OCIAD1: variants seen among roughly 807,000 people sequenced by gnomAD.
The protein encoded by OCIAD1 is OCIA domain-containing protein 1.
In OCIAD1, 29 loss-of-function variants were observed where a neutral mutation model predicts 38.9. The observed-to-expected ratio is 0.74, with a 90% CI of 0.55 to 1.02. The LOEUF is 1.02. Among genes scored for constraint, OCIAD1 ranks in the 50% least tolerant of loss-of-function variants. The pLI is 0.00. For synonymous variants in OCIAD1, 110 were observed against 92.0 expected (o/e 1.20, Z -1.12); for missense variants, 288 against 289.6 (o/e 0.99, Z 0.04).
At chr4:48,835,322 ATAAAT>A (rs971719771) in intron 3 of OCIAD1, among the ~76,000 whole-genome samples, 2 of 152,216 alleles carry the variant, frequency 1.3e-5, no homozygotes, top group Non-Finnish European at 2.9e-5. Context: ...TTTTAAAGAG[ATAAAT>A]TAATTAGAAT....
At chr4:48,852,882 G>GTTTTTTGTTTTTGTTTTTTTTTTTT (rs1553901200) in intron 7 of OCIAD1, among the ~76,000 whole-genome samples, 3 of 126,338 alleles carry the variant, frequency 2.4e-5, no homozygotes, top group African/African-American at 3.2e-5. Flanking sequence ...TTTGTTTTTT[G>GTTTTTTGTTTTTGTTTTTTTTTTTT]TTTTTTTTTT....
intron 1 of OCIAD1, 81 bp downstream of exon 1, chr4:48,831,330 C>T (rs1223455463): frequency 4.8e-6 from 2 of 415,542 alleles, no homozygotes; most frequent in Admixed American, 5.8e-5. Flanking sequence ...ACGACTTTCG[C>T]ACCTTCCGCC....
intron 3 of OCIAD1, among the ~76,000 whole-genome samples, chr4:48,839,351 G>T (rs1039479833): frequency 8.6e-5 from 13 of 151,100 alleles, no homozygotes; most frequent in African/African-American, 2.4e-4. Context: ...CAGGAGAATG[G>T]CTTGAACTCG....
intron 1 of OCIAD1, among the ~76,000 whole-genome samples, chr4:48,806,563 G>A (rs1381502687): frequency 2.0e-5 from 3 of 152,044 alleles, no homozygotes; most frequent in African/African-American, 7.2e-5. Flanking sequence ...TCACACTGTG[G>A]TTGATAGCAC....
intron 8 of OCIAD1, among the ~76,000 whole-genome samples, chr4:48,859,142 T>C (rs1355000874): frequency 6.6e-6 from 1 of 152,216 alleles, no homozygotes; most frequent in Non-Finnish European, 1.5e-5. Context: ...TAATTTTATT[T>C]TTAATCATTA....
chr4:48,834,387 G>A (rs1195606768), intron 3 of OCIAD1, among the ~76,000 whole-genome samples: 1 of 152,178 alleles, frequency 6.6e-6, no homozygotes, highest in Non-Finnish European at 1.5e-5. Flanking sequence ...GGCCAGGCTG[G>A]TCTTGAACTC....
intron 8 of OCIAD1, among the ~76,000 whole-genome samples, chr4:48,860,413 A>G (rs1056728599): frequency 1.3e-5 from 2 of 152,014 alleles, no homozygotes; most frequent in African/African-American, 4.8e-5. Context: ...CCTATACTCA[A>G]ATCTCAGTTC....
At position 48,850,031 on chromosome 4, in the gene OCIAD1, C is replaced by A. The variant is rs1779291447; in HGVS notation, c.326C>A (p.Pro109His). 6.2e-7 allele frequency: 1 copy of A among 1,613,338 alleles called. No individual in the cohort carries two copies. Among genetic ancestry groups the A allele is most frequent in the Non-Finnish European group, 8.5e-7 (1 of 1,179,780 alleles). ...AAATTCAAGAAACTTGAAAATTCCC[C>A]CCTTGGAGAAGCTTTACGATCAGGA... The part of the protein sequence containing the change: ...QEKFKKLENS[P>H]LGEALRSGQA... Residue 109 changes from proline (P) to histidine (H), a missense_variant, in exon 6 of 9, where the codon CCC (proline) becomes CAC (histidine). By Grantham distance (77) the Pro-to-His change is moderately conservative. Coordinates refer to ENST00000264312, the MANE Select transcript of OCIAD1 (RefSeq NM_017830.4).
At chr4:48,837,642 CTTTTTTTTTTT>C in intron 3 of OCIAD1, among the ~76,000 whole-genome samples, 1 of 97,668 alleles carries the variant, frequency 1.0e-5, no homozygotes, top group Admixed American at 1.0e-4. Context: ...AGCAACAGTT[CTTTTTTTTTTT>C]TTTTTTTTTA....
rs575302598 is a variant in OCIAD1, at chr4:48,840,121, C to T, written c.140-2515C>T. On this transcript the variant is annotated intron_variant, in intron 3 of 8. Transcript: ENST00000264312. ...AGACCTTAGGTCTAATCCATTATTC[C>T]TTTATAGCATGAGAAGAAGCTATGC... Among the ~76,000 whole-genome samples the T allele has an allele frequency of 2.6e-5, 4 of 152,286 alleles. No homozygotes were observed. The East Asian group carries it at 7.7e-4, about 29-fold the overall frequency.
In OCIAD1 at chr4:48,860,726, CAAAGT is replaced by C; in HGVS notation, c.706_710del (p.Val236GlnfsTer8). On this transcript the variant is annotated frameshift_variant and splice_region_variant, in exon 9 of 9. Coordinates refer to ENST00000264312, the MANE Select transcript of OCIAD1 (RefSeq NM_017830.4). LOFTEE classifies it high-confidence loss of function. ...CAATTATTTATGCTTTTTTCCTAGT[CAAAGT>C]AAACAAGTATGGAGATACTTGGGAT... is the stretch of plus-strand genomic sequence containing the variant. 2.5e-6 allele frequency: 4 copies of C among 1,593,392 alleles called. No individual in the cohort carries two copies. Among genetic ancestry groups the C allele is most frequent in the Admixed American group, 1.7e-5 (1 of 59,398 alleles).
At chr4:48,846,985 G>A (rs1182910991) in intron 4 of OCIAD1, among the ~76,000 whole-genome samples, 1 of 151,426 alleles carries the variant, frequency 6.6e-6, no homozygotes, top group Non-Finnish European at 1.5e-5. Flanking sequence ...CAAGAATATG[G>A]TGCCTTTTTG....
intron 1 of OCIAD1, among the ~76,000 whole-genome samples, chr4:48,811,094 C>T (rs1398652254): frequency 6.6e-6 from 1 of 151,322 alleles, no homozygotes; most frequent in African/African-American, 2.5e-5. Context: ...TGAGCTCAGG[C>T]CATCCATCCA....
chr4:48,844,490 C>T (rs1175309528), intron 4 of OCIAD1, among the ~76,000 whole-genome samples: 1 of 151,994 alleles, frequency 6.6e-6, no homozygotes, highest in African/African-American at 2.4e-5. Context: ...GTCGTGCGTG[C>T]CTGTAGTCCC....
rs769648739 is a variant in OCIAD1, at chr4:48,848,412, T to G, written c.207T>G (p.Ser69Arg). 2 of 1,499,430 alleles carry G rather than the reference T, an allele frequency of 1.3e-6. No homozygotes were observed. The highest frequency in any genetic ancestry group is 1.1e-5 in the South Asian group (1 of 87,266). 92.9% of individuals were successfully genotyped at this position (1,499,430 alleles called of 1,614,324 possible). A position where few individuals can be genotyped will look rare whatever the true frequency, so the allele number is the denominator to read the frequency against. Reference protein sequence around the residue: ...QGLISKGILSSHPKYGSIPKL... With the variant: ...QGLISKGILSRHPKYGSIPKL... ...TCTTTTCTTTAGGAATACTTTCAAG[T>G]CATCCCAAATATGGTTCCATCCCTA... The change falls in exon 5 of 9, where the codon AGT becomes AGG. Residue 69 changes from serine (S) to arginine (R), a missense_variant. Physicochemically the swap from Ser to Arg is moderately radical, Grantham distance 110 (BLOSUM62 -1). Transcript: ENST00000264312.
Position 48,852,048 on chromosome 4 carries a change from T to G in OCIAD1, c.547+73T>G. The G allele has an allele frequency of 3.7e-6, 4 of 1,081,616 alleles. No individual in the cohort carries two copies. In the Admixed American group the frequency reaches 6.2e-5, roughly 17 times the overall value. The allele number at this position is 1,081,616 out of a possible 1,614,324, so 67.0% of individuals were successfully genotyped here. On this transcript the variant is annotated intron_variant, in intron 7 of 8. Transcript: ENST00000264312. Reference sequence around the variant, plus strand: ...ATGTATAAACTTTATTTGATGACCTTTTCTGCTGGATATCACCTGTGTGTT... The same window carrying G: ...ATGTATAAACTTTATTTGATGACCTGTTCTGCTGGATATCACCTGTGTGTT...
At chr4:48,810,363 G>A (rs1777073997) in intron 1 of OCIAD1, among the ~76,000 whole-genome samples, 1 of 151,582 alleles carries the variant, frequency 6.6e-6, no homozygotes, top group South Asian at 2.1e-4. Flanking sequence ...CAGCTACTCG[G>A]GAGGCCGAGG....
chr4:48,848,430 C>T lies in OCIAD1; in HGVS notation c.225C>T (p.Ser75=), dbSNP rs142543148. The T allele has an allele frequency of 2.1e-5, 32 of 1,492,366 alleles. No individual in the cohort carries two copies. Among genetic ancestry groups the T allele is most frequent in the Non-Finnish European group, 5.6e-6 (6 of 1,077,368 alleles). 92.4% of individuals were successfully genotyped at this position (1,492,366 alleles called of 1,614,324 possible). Residue 75 remains serine, a synonymous_variant, in exon 5 of 9, where the codon TCC becomes TCT. Transcript: ENST00000264312. Reference sequence around the variant, plus strand: ...TTTCAAGTCATCCCAAATATGGTTCCATCCCTAAACTTATACGTAAGTATG... The same window carrying T: ...TTTCAAGTCATCCCAAATATGGTTCTATCCCTAAACTTATACGTAAGTATG... ...GILSSHPKYG[S]IPKLILACIM...
intron 1 of OCIAD1, among the ~76,000 whole-genome samples, chr4:48,816,435 A>G (rs1175346067): frequency 6.6e-6 from 1 of 151,082 alleles, no homozygotes; most frequent in East Asian, 2.0e-4. Flanking sequence ...CAGGAGGCCG[A>G]GGCAGGGGAA....
Sources: allele counts gnomAD v4.1 joint callset (sites outside exome capture counted in the v4.1 genomes callset), GRCh38; gene constraint gnomAD v4.1.1; transcripts MANE v1.5; gene names NCBI Gene and HGNC (gene_info 2026-07-23, HGNC 2026-07-21).